Variants in IGF2R observed in about 807,000 individuals in gnomAD.
IGF2R encodes cation-independent mannose-6-phosphate receptor.
IGF2R carries 91 observed loss-of-function variants against 270.6 expected under a neutral mutation model. The observed-to-expected ratio is 0.34, with a 90% CI of 0.28 to 0.40. The LOEUF (loss-of-function observed/expected upper bound fraction) is 0.40, where lower values mean the gene tolerates loss of function less well. IGF2R is among the 10% of genes least tolerant of loss of function. The pLI is 1.00. For synonymous variants in IGF2R, 1,316 were observed against 1,258.9 expected, an observed-to-expected ratio of 1.05 and a Z score of -0.96; for missense variants, 2,805 against 3,188.3, an observed-to-expected ratio of 0.88 and a Z score of 2.90.
chr6:160,079,101 C>A (rs1040912915), intron 37 of IGF2R, among the ~76,000 whole-genome samples: 9 of 152,210 alleles, frequency 5.9e-5, no homozygotes, highest in African/African-American at 2.2e-4. Context: ...TGATGGAGCC[C>A]TCTGCCTGGG....
rs1465048288 is a variant in IGF2R at position 160,047,205 on chromosome 6, T to C, written c.2098T>C (p.Tyr700His). 6.2e-7 allele frequency: 1 copy of C among 1,614,180 alleles called. No individual in the cohort carries two copies. Among genetic ancestry groups the C allele is most frequent in the East Asian group, 2.2e-5 (1 of 44,892 alleles). Residue 700 changes from tyrosine (Y) to histidine (H), a missense_variant, in exon 16 of 48, where the codon TAT becomes CAT. Physicochemically the swap from Tyr to His is moderately conservative, Grantham distance 83. This residue lies in a region of IGF2R where 954 missense variants were observed against 981.1 expected (regional missense o/e 0.97). Coordinates refer to ENST00000356956, the MANE Select transcript of IGF2R (RefSeq NM_000876.4). Reference protein sequence around the residue: ...NLGLSNAKLSYYDGMIQLNYR... With the variant: ...NLGLSNAKLSHYDGMIQLNYR... Reference sequence around the variant, plus strand: ...GGGTCTGAGTAATGCGAAGCTTTCATATTATGATGGGATGATCCAACTGAA... The same window carrying C: ...GGGTCTGAGTAATGCGAAGCTTTCACATTATGATGGGATGATCCAACTGAA...
intron 7 of IGF2R, among the ~76,000 whole-genome samples, chr6:160,031,386 A>AT (rs951054931): frequency 9.3e-5 from 14 of 151,254 alleles, no homozygotes; most frequent in Admixed American, 2.6e-4. Flanking sequence ...GGTTATTAGT[A>AT]TTTTTTTTTA....
In IGF2R at chr6:160,093,396, C is replaced by A. The variant is rs181294257; in HGVS notation, c.6656-3043C>A. On this transcript the variant is annotated intron_variant, in intron 44 of 47. Transcript: ENST00000356956. ...CCCTCTTGTTGCCGTTGCTTCTGTT[C>A]CTGGAGGAGCTCCTGGCACAGTGAT... 3 of 297,340 alleles carry A rather than the reference C, an allele frequency of 1.0e-5. No individual in the cohort carries two copies. In the Admixed American group the frequency reaches 1.3e-4, roughly 13 times the overall value. The allele number at this position is 297,340 out of a possible 1,614,324, so 18.4% of individuals were successfully genotyped here. A position where few individuals can be genotyped will look rare whatever the true frequency, so the allele number is the denominator to read the frequency against.
rs763481438 is a variant in IGF2R, at chr6:160,061,527, T to A, written c.3287T>A (p.Leu1096Gln). ...GACCTGGCTGGAAATGAGTACGACCTGACTGGCCTAAGCACAGTCAGGAAA... is the reference window on the plus strand; with the variant it reads ...GACCTGGCTGGAAATGAGTACGACCAGACTGGCCTAAGCACAGTCAGGAAA... ...VTDLAGNEYD[L>Q]TGLSTVRKPW... Residue 1096 changes from leucine (L) to glutamine (Q), a missense_variant, in exon 24 of 48, where the codon CTG becomes CAG. Leu to Gln is a moderately radical substitution (Grantham distance 113). This residue lies in a region of IGF2R where 1,851 missense variants were observed against 2,207.2 expected (regional missense o/e 0.84). Coordinates refer to ENST00000356956, the MANE Select transcript of IGF2R (RefSeq NM_000876.4). 1 of 1,614,136 alleles carries A rather than the reference T, an allele frequency of 6.2e-7. No individual in the cohort carries two copies. Among genetic ancestry groups the A allele is most frequent in the East Asian group, 2.2e-5 (1 of 44,880 alleles).
chr6:159,980,236 A>AAGG (rs1562330699), intron 1 of IGF2R, among the ~76,000 whole-genome samples: 1 of 136,078 alleles, frequency 7.3e-6, no homozygotes, highest in African/African-American at 2.9e-5. Context: ...AGAAAGAAAG[A>AAGG]AAGGTACATG....
chr6:160,073,951 A>G lies in IGF2R; in HGVS notation c.5142A>G (p.Lys1714=), dbSNP rs747542051. 16 of 1,613,390 alleles carry G rather than the reference A, an allele frequency of 9.9e-6. No homozygotes were observed. Among genetic ancestry groups the G allele is most frequent in the Non-Finnish European group, 1.2e-5 (14 of 1,179,570 alleles). ...GTCCTGCCGGAGCCGCTGTGTGCAA[A>G]GTTCCTATTGATGGTCCCCCCATAG... ...VPCPAGAAVC[K]VPIDGPPIDI... Residue 1714 remains lysine, a synonymous_variant, in exon 35 of 48, where the codon AAA becomes AAG. Coordinates refer to ENST00000356956, the MANE Select transcript of IGF2R (RefSeq NM_000876.4).
At chr6:160,000,727 TG>T (rs1784114436) in intron 2 of IGF2R, among the ~76,000 whole-genome samples, 1 of 134,794 alleles carries the variant, frequency 7.4e-6, no homozygotes, top group Non-Finnish European at 1.6e-5. Context: ...GGTGTGAGGT[TG>T]TTTTTTTTTT....
rs766762205 is a variant in IGF2R, at chr6:160,061,907, G to T, written c.3561G>T (p.Thr1187=). 2.5e-6 allele frequency: 4 copies of T among 1,614,060 alleles called. No homozygotes were observed. The African/African-American group carries it at 5.3e-5, about 22-fold the overall frequency. Residue 1187 remains threonine (T), a synonymous_variant, in exon 25 of 48, where the codon ACG becomes ACT. Transcript: ENST00000356956. The stretch of plus-strand genomic sequence containing the variant: ...ACCAGCGCTTCTCCACCAGGATCAC[G>T]TTTGAGTGTGCTCAGATATCGGTGT... ...CGNQRFSTRI[T]FECAQISGSP...
At chr6:159,981,484 C>T (rs901998548) in intron 1 of IGF2R, among the ~76,000 whole-genome samples, 8 of 152,180 alleles carry the variant, frequency 5.3e-5, no homozygotes, top group Non-Finnish European at 1.0e-4. Flanking sequence ...GGGCACCCCC[C>T]GCCCCCAGCC....
intron 35 of IGF2R, among the ~76,000 whole-genome samples, chr6:160,074,907 C>T (rs1562368912): frequency 6.6e-6 from 1 of 152,158 alleles, no homozygotes; most frequent in Non-Finnish European, 1.5e-5. Flanking sequence ...TCTTTGGTAG[C>T]GTCCTTTCTG....
rs367658101 is a variant in IGF2R at position 160,104,093 on chromosome 6, AAC to A, written c.7065+292_7065+293del. On this transcript the variant is annotated intron_variant, in intron 47 of 47. Transcript: ENST00000356956. ...TGGCTGTTCTTTAAAAAAAAAACAA[AAC>A]ACACACACACACAGTAGTGAAGATA... is the stretch of plus-strand genomic sequence containing the variant. Among the ~76,000 whole-genome samples the A allele has an allele frequency of 3.5e-4, 53 of 151,870 alleles. No individual in the cohort carries two copies. The East Asian group carries it at 5.2e-3, about 15-fold the overall frequency.
intron 2 of IGF2R, among the ~76,000 whole-genome samples, chr6:160,000,094 G>T (rs981188841): frequency 5.3e-5 from 8 of 152,210 alleles, no homozygotes; most frequent in African/African-American, 1.9e-4. Flanking sequence ...CAAAGTCAAA[G>T]AACAGGTAAT....
intron 3 of IGF2R, 51 bp downstream of exon 3, chr6:160,009,185 C>T (rs368128454): frequency 6.5e-6 from 10 of 1,526,996 alleles, no homozygotes; most frequent in South Asian, 1.2e-5. Flanking sequence ...AAAAGGTCTG[C>T]CCCTTGGTGT....
chr6:160,002,682 T>C (rs1255113477), intron 2 of IGF2R, among the ~76,000 whole-genome samples: 1 of 152,150 alleles, frequency 6.6e-6, no homozygotes, highest in African/African-American at 2.4e-5. Context: ...TAACAATAAT[T>C]ATAAATTTAT....
chr6:159,973,416 C>T (rs530190898), intron 1 of IGF2R, among the ~76,000 whole-genome samples: 2 of 152,210 alleles, frequency 1.3e-5, no homozygotes, highest in South Asian at 2.1e-4. Flanking sequence ...AAAATTTGTA[C>T]AGGACAAGTT....
At chr6:160,104,647 G>A (rs558293879) in intron 47 of IGF2R, 27 bp from the exon 48 acceptor site, 12 of 1,595,306 alleles carry the variant, frequency 7.5e-6, no homozygotes, top group Middle Eastern at 1.7e-4. Context: ...GGGGGCTCAC[G>A]TGGTCTCTGC....
At chr6:160,039,042 A>G (rs1011702258) in intron 10 of IGF2R, among the ~76,000 whole-genome samples, 1 of 152,178 alleles carries the variant, frequency 6.6e-6, no homozygotes, top group Non-Finnish European at 1.5e-5. Flanking sequence ...GGTTTTGAGG[A>G]TCAAATACAT....
intron 22 of IGF2R, 152 bp downstream of exon 22, chr6:160,059,250 C>G (rs949826168): frequency 1.6e-6 from 1 of 616,792 alleles, no homozygotes; most frequent in African/African-American, 1.8e-5. Context: ...GGTGGTCTTC[C>G]TGCGTTTGAC....
chr6:160,050,353 C>T lies in IGF2R; in HGVS notation c.2515-120C>T. The T allele has an allele frequency of 1.0e-6, 1 of 989,758 alleles. No individual in the cohort carries two copies. Among genetic ancestry groups the T allele is most frequent in the Non-Finnish European group, 1.5e-6 (1 of 661,302 alleles). The allele number at this position is 989,758 out of a possible 1,614,324, so 61.3% of individuals were successfully genotyped here. A position where few individuals can be genotyped will look rare whatever the true frequency, so the allele number is the denominator to read the frequency against. On this transcript the variant is annotated intron_variant, in intron 18 of 47. Transcript: ENST00000356956. The surrounding 1 kb of genome is among the most constrained non-coding windows in gnomAD (Gnocchi z 4.0). ...TGTAATAAGGGGATTTCCCCAGGAG[C>T]AGTGGTTCTGTATTCAATAATTCAT...
Sources: gnomAD v4.1 joint callset for allele counts (sites outside exome capture counted in the v4.1 genomes callset) on GRCh38, gnomAD v4.1.1 for gene constraint, gnomAD v4.1.1 regional missense constraint, Gnocchi (gnomAD v3.1) non-coding constraint, MANE v1.5 for transcripts, NCBI Gene and HGNC (gene_info 2026-07-23, HGNC 2026-07-21) for gene names.